KIF1A: variants seen among roughly 807,000 people sequenced by gnomAD.
KIF1A encodes the protein kinesin family member 1A.
A neutral mutation model predicts 227.3 loss-of-function variants in KIF1A; 46 were observed. The observed-to-expected ratio is 0.20, with a 90% CI of 0.16 to 0.26. The LOEUF is 0.26. Ranked by LOEUF, KIF1A falls within the 10% of genes least tolerant of loss-of-function variation. The pLI is 1.00. For missense variants in KIF1A, 1,683 were observed against 2,485.9 expected (o/e 0.68, Z 6.87); for synonymous variants, 1,022 against 1,012.8 (o/e 1.01, Z -0.17).
rs564435431 is a variant in KIF1A at position 240,782,468 on chromosome 2, C to G, written c.882+122G>C. ...TTTCTTCCTTCCCGGGATCCACCCCCACGTCCCCCATCTCCCAGCGCACTC... is the reference window on the plus strand; with the variant it reads ...TTTCTTCCTTCCCGGGATCCACCCCGACGTCCCCCATCTCCCAGCGCACTC... On this transcript the variant is annotated intron_variant, in intron 10 of 48. Transcript: ENST00000498729. 5.0e-5 allele frequency: 56 copies of G among 1,109,756 alleles called. No homozygotes were observed. The African/African-American group carries it at 7.4e-4, about 15-fold the overall frequency. 68.7% of individuals were successfully genotyped at this position (1,109,756 alleles called of 1,614,324 possible).
intron 1 of KIF1A, among the ~76,000 whole-genome samples, chr2:240,812,772 A>G (rs1248708369): frequency 1.2e-4 from 15 of 120,362 alleles, no homozygotes; most frequent in African/African-American, 3.3e-4. Flanking sequence ...TCACCTTGGG[A>G]TCTGCCTTCA....
chr2:240,738,209 G>A (rs1043202950), intron 37 of KIF1A, among the ~76,000 whole-genome samples: 12 of 152,326 alleles, frequency 7.9e-5, no homozygotes, highest in South Asian at 2.1e-4. Context: ...CCTGCTCTGC[G>A]TCTGACCAAG....
Position 240,785,039 on chromosome 2 carries a change from T to C in KIF1A, c.670A>G (p.Ile224Val), listed in dbSNP as rs2126062499. Residue 224 changes from isoleucine (I) to valine (V), a missense_variant, in exon 7 of 49, where the codon ATC becomes GTC. Ile to Val is a conservative substitution (Grantham distance 29). Coordinates refer to ENST00000498729, the MANE Select transcript of KIF1A (RefSeq NM_001244008.2). ...GCGTCATGGCGCTTCTGGGTGAAGA[T>C]GATGTTGAAGACGGCGTGGGAGCGA... The part of the protein sequence containing the change: ...SSRSHAVFNI[I>V]FTQKRHDAET... 1 of 1,613,590 alleles carries C rather than the reference T, an allele frequency of 6.2e-7. No homozygotes were observed. Among genetic ancestry groups the C allele is most frequent in the Non-Finnish European group, 8.5e-7 (1 of 1,179,814 alleles).
chr2:240,766,405 T>C lies in KIF1A; in HGVS notation c.1684+510A>G, dbSNP rs774880943. 1.5e-4 allele frequency among the ~76,000 whole-genome samples: 23 copies of C among 152,154 alleles called. No individual in the cohort carries two copies. Among genetic ancestry groups the C allele is most frequent in the African/African-American group, 5.6e-4 (23 of 41,434 alleles). ...ACGTCATCTCCAGGAGGGAGACCACTGGGCAGGCAGGGGAAACGGACAGAT... is the reference window on the plus strand; with the variant it reads ...ACGTCATCTCCAGGAGGGAGACCACCGGGCAGGCAGGGGAAACGGACAGAT... On this transcript the variant is annotated intron_variant, in intron 19 of 48. Transcript: ENST00000498729. The surrounding 1 kb of genome is among the most constrained non-coding windows in gnomAD (Gnocchi z 5.0).
chr2:240,742,674 C>T (rs1210285669), intron 34 of KIF1A, among the ~76,000 whole-genome samples: 2 of 152,196 alleles, frequency 1.3e-5, no homozygotes, highest in African/African-American at 2.4e-5. Context: ...CTCAAAGCCC[C>T]CGACCCTCTT....
chr2:240,717,973 T>C (rs1427723277), intron 48 of KIF1A, 77 bp downstream of exon 48: 2 of 907,500 alleles, frequency 2.2e-6, no homozygotes, highest in Non-Finnish European at 1.8e-6. Context: ...AGCAGGGCCC[T>C]ATCAAATGGT....
intron 1 of KIF1A, among the ~76,000 whole-genome samples, chr2:240,807,130 G>GTGTGTGTA (rs1356399506): frequency 3.9e-4 from 47 of 119,464 alleles, no homozygotes; most frequent in East Asian, 1.8e-3. Context: ...GTGTGTGTGT[G>GTGTGTGTA]TATATATATA....
rs764970503 is a variant in KIF1A at position 240,719,820 on chromosome 2, C to T, written c.4975G>A (p.Glu1659Lys). Residue 1659 changes from glutamate to lysine, a missense_variant, in exon 46 of 49, where the codon GAG becomes AAG. This residue lies in a region of KIF1A where 384 missense variants were observed against 410.1 expected (regional missense o/e 0.94). Transcript: ENST00000498729. The part of the protein sequence containing the change: ...SPARATETDK[E>K]PQRLLVPDIQ... Reference sequence around the variant, plus strand: ...TCAGGGACCAGCAGGCGCTGGGGCTCCTTGTCTGTCTCTGTTGCCCGGGCA... The same window carrying T: ...TCAGGGACCAGCAGGCGCTGGGGCTTCTTGTCTGTCTCTGTTGCCCGGGCA... 2.2e-5 allele frequency: 36 copies of T among 1,609,834 alleles called. No individual in the cohort carries two copies. In the Admixed American group the frequency reaches 6.0e-4, roughly 27 times the overall value.
At chr2:240,782,691 T>G (rs576867574) in intron 9 of KIF1A, 84 bp from the exon 10 acceptor site, 4 of 1,386,866 alleles carry the variant, frequency 2.9e-6, no homozygotes, top group Non-Finnish European at 4.0e-6. Context: ...GCGGCCCGGC[T>G]GCCTCGCCCT....
rs553008418 is a variant in KIF1A at position 240,783,086 on chromosome 2, C to T, written c.822G>A (p.Ser274=). The change falls in exon 9 of 49, where the codon TCG becomes TCA. Residue 274 remains serine (S), a synonymous_variant. Coordinates refer to ENST00000498729, the MANE Select transcript of KIF1A (RefSeq NM_001244008.2). ...RLKEGANINK[S]LTTLGKVISA... ...AGATGACCTTGCCCAGGGTGGTCAG[C>T]GACTTGTTGATGTTGGCCCCCTCCT... 75 of 1,613,728 alleles carry T rather than the reference C, an allele frequency of 4.6e-5. 1 individual carries two copies. The South Asian group carries it at 6.9e-4, about 15-fold the overall frequency.
At chr2:240,773,541 T>C (rs1575604104) in intron 12 of KIF1A, among the ~76,000 whole-genome samples, 1 of 152,020 alleles carries the variant, frequency 6.6e-6, no homozygotes, top group Non-Finnish European at 1.5e-5. Flanking sequence ...AGGGACAGGG[T>C]GGTGTCCTCT....
In KIF1A at chr2:240,795,639, G is replaced by A. The variant is rs77355369; in HGVS notation, c.106+2008C>T. Among the ~76,000 whole-genome samples the A allele has an allele frequency of 2.6e-3, 397 of 152,324 alleles. 1 individual carries two copies. The highest frequency in any genetic ancestry group is 8.6e-3 in the African/African-American group (356 of 41,580). On this transcript the variant is annotated intron_variant, in intron 2 of 48. Transcript: ENST00000498729. ...GCTCACCTCCAGGCTGTACCCTCCC[G>A]TTTCTGGATCCTATGAGGGGAAATG...
In KIF1A at chr2:240,775,958, G is replaced by A. The variant is rs766909683; in HGVS notation, c.883-32C>T. ...GGGAGGAACATTCAAGGTCAAGCCC[G>A]AGCCCACTGCAGAGGAAGCGAAAGG... On this transcript the variant is annotated intron_variant, in intron 10 of 48. Transcript: ENST00000498729. The surrounding 1 kb of genome is among the most constrained non-coding windows in gnomAD (Gnocchi z 5.5). 16 of 1,465,004 alleles carry A rather than the reference G, an allele frequency of 1.1e-5. No individual in the cohort carries two copies. Among genetic ancestry groups the A allele is most frequent in the African/African-American group, 8.3e-5 (6 of 71,898 alleles). 90.8% of individuals were successfully genotyped at this position (1,465,004 alleles called of 1,614,324 possible).
Position 240,737,314 on chromosome 2 carries a change from G to A in KIF1A, c.3902-146C>T, listed in dbSNP as rs1426603578. Reference sequence around the variant, plus strand: ...TCAAAGGCGGTGCCAGGGGGAACAGGGAGGCCCTACAGGGTCCTCAGCAAC... The same window carrying A: ...TCAAAGGCGGTGCCAGGGGGAACAGAGAGGCCCTACAGGGTCCTCAGCAAC... On this transcript the variant is annotated intron_variant, in intron 37 of 48. Coordinates refer to ENST00000498729, the MANE Select transcript of KIF1A (RefSeq NM_001244008.2). 3 of 660,444 alleles carry A rather than the reference G, an allele frequency of 4.5e-6. No individual in the cohort carries two copies. The African/African-American group carries it at 5.3e-5, about 12-fold the overall frequency. The allele number at this position is 660,444 out of a possible 1,614,324, so 40.9% of individuals were successfully genotyped here. A position where few individuals can be genotyped will look rare whatever the true frequency, so the allele number is the denominator to read the frequency against.
rs1295592355 is a variant in KIF1A, at chr2:240,766,757, A to T, written c.1684+158T>A. Among the ~76,000 whole-genome samples, 9 of 145,352 alleles carry T rather than the reference A, an allele frequency of 6.2e-5. No individual in the cohort carries two copies. The highest frequency in any genetic ancestry group is 3.4e-3 in the Middle Eastern group (1 of 292). On this transcript the variant is annotated intron_variant, in intron 19 of 48. Transcript: ENST00000498729. This position sits in a 1 kb window ranked among gnomAD's most constrained non-coding sequence, Gnocchi z 5.0. ...CTCTCTCTCTCTCTCTCTCACACAC[A>T]CACACACACACACACACACACACAC...
At position 240,793,821 on chromosome 2, in the gene KIF1A, T is replaced by C. The variant is rs60548288; in HGVS notation, c.106+3826A>G. On this transcript the variant is annotated intron_variant, in intron 2 of 48. Coordinates refer to ENST00000498729, the MANE Select transcript of KIF1A (RefSeq NM_001244008.2). The surrounding 1 kb of genome is among the most constrained non-coding windows in gnomAD (Gnocchi z 4.8). ...AGAGAGTGGGGCCTCTCCTCATGTTTTGAGACTCCAGGAACAGTCAGCAGC... is the reference window on the plus strand; with the variant it reads ...AGAGAGTGGGGCCTCTCCTCATGTTCTGAGACTCCAGGAACAGTCAGCAGC... 9.7e-3 allele frequency among the ~76,000 whole-genome samples: 1,484 copies of C among 152,280 alleles called. 30 individuals are homozygous for C. The highest frequency in any genetic ancestry group is 0.034 in the African/African-American group (1,406 of 41,538).
In KIF1A at chr2:240,720,980, G is replaced by A. The variant is rs1280031550; in HGVS notation, c.4802C>T (p.Ala1601Val). 1.9e-6 allele frequency: 3 copies of A among 1,607,864 alleles called. No individual in the cohort carries two copies. Among genetic ancestry groups the A allele is most frequent in the East Asian group, 4.5e-5 (2 of 44,710 alleles). The change falls in exon 45 of 49, where the codon GCC (alanine) becomes GTC (valine). Residue 1601 changes from alanine to valine, a missense_variant. This residue lies in a region of KIF1A where 384 missense variants were observed against 410.1 expected (regional missense o/e 0.94). Transcript: ENST00000498729. ...GCAAGTGGAGGAGGGGGTGAGAGTGGCCACCCCTAGAGGGGACATCGACGG... is the reference window on the plus strand; with the variant it reads ...GCAAGTGGAGGAGGGGGTGAGAGTGACCACCCCTAGAGGGGACATCGACGG... ...RDPSMSPLGV[A>V]TLTPSSTCPS... is the part of the protein sequence containing the mutation.
chr2:240,795,714 G>C (rs1172161381), intron 2 of KIF1A, among the ~76,000 whole-genome samples: 1 of 152,228 alleles, frequency 6.6e-6, no homozygotes. Context: ...GAGCCAGGGG[G>C]CAGGTCGGAG....
At chr2:240,729,428 C>T (rs1299059115) in intron 38 of KIF1A, among the ~76,000 whole-genome samples, 1 of 152,228 alleles carries the variant, frequency 6.6e-6, no homozygotes, top group Non-Finnish European at 1.5e-5. Context: ...TCAGAGAGCA[C>T]CAGGTCCTCC....
Sources: gnomAD v4.1 joint callset for allele counts (sites outside exome capture counted in the v4.1 genomes callset) on GRCh38, gnomAD v4.1.1 for gene constraint, gnomAD v4.1.1 regional missense constraint, Gnocchi (gnomAD v3.1) non-coding constraint, MANE v1.5 for transcripts, NCBI Gene and HGNC (gene_info 2026-07-23, HGNC 2026-07-21) for gene names.